PPP1R9A: variants seen among roughly 807,000 people sequenced by gnomAD.
PPP1R9A encodes the protein neurabin-1.
In PPP1R9A, 59 loss-of-function variants were observed where a neutral mutation model predicts 141.9. The observed-to-expected ratio is 0.42, with a 90% CI of 0.34 to 0.52. The LOEUF (loss-of-function observed/expected upper bound fraction) is 0.52. PPP1R9A is among the 20% of genes least tolerant of loss of function. The pLI is 0.10. For synonymous variants in PPP1R9A, 500 were observed against 569.7 expected (o/e 0.88, Z 1.74); for missense variants, 1,444 against 1,611.9 (o/e 0.90, Z 1.78).
At chr7:95,108,938 G>A (rs1014160816) in intron 2 of PPP1R9A, 1 of 152,090 alleles carries the variant, frequency 6.6e-6, no homozygotes, top group African/African-American at 2.4e-5. Context: ...TCATAAACCG[G>A]GACCTATTAG....
At chr7:95,194,141 G>A (rs1364479233) in intron 5 of PPP1R9A, among the ~76,000 whole-genome samples, 2 of 151,846 alleles carry the variant, frequency 1.3e-5, no homozygotes, top group African/African-American at 4.8e-5. Context: ...GTCAATCTAG[G>A]CTTTTCTAAA....
chr7:95,233,664 C>T (rs926456605), intron 8 of PPP1R9A, among the ~76,000 whole-genome samples: 7 of 152,140 alleles, frequency 4.6e-5, no homozygotes, highest in African/African-American at 1.7e-4. Context: ...GGGAATCCTT[C>T]CTAAATCACT....
intron 2 of PPP1R9A, among the ~76,000 whole-genome samples, chr7:95,009,140 G>A (rs1196235221): frequency 5.3e-5 from 8 of 152,016 alleles, no homozygotes; most frequent in East Asian, 3.9e-4. Flanking sequence ...ATCACACACC[G>A]GGGCCTGTCA....
chr7:94,926,097 G>A (rs1231105759), intron 2 of PPP1R9A, among the ~76,000 whole-genome samples: 2 of 152,154 alleles, frequency 1.3e-5, no homozygotes, highest in Non-Finnish European at 2.9e-5. Flanking sequence ...AAAGTGCTGG[G>A]ATTACAGGTG....
intron 2 of PPP1R9A, among the ~76,000 whole-genome samples, chr7:94,937,330 G>C (rs1257200156): frequency 2.0e-5 from 3 of 152,094 alleles, no homozygotes; most frequent in Non-Finnish European, 4.4e-5. Context: ...GAAGTTCCTA[G>C]GGGACACAGA....
rs148882622 is a variant in PPP1R9A, at chr7:95,026,485, C to T, written c.1396-84774C>T. Among the ~76,000 whole-genome samples the T allele has an allele frequency of 3.7e-3, 557 of 152,254 alleles. 3 individuals are homozygous for T. The highest frequency in any genetic ancestry group is 0.012 in the African/African-American group (495 of 41,556). On this transcript the variant is annotated intron_variant, in intron 2 of 19. Transcript: ENST00000433360. ...AGAGGGGCACCCTCCAGATGCCAGC[C>T]GGAGCTCTCCTGTGTGAGGTGTCTA...
chr7:95,245,159 T>G (rs994607684), intron 8 of PPP1R9A, among the ~76,000 whole-genome samples: 2 of 152,182 alleles, frequency 1.3e-5, no homozygotes, highest in Non-Finnish European at 2.9e-5. Context: ...TATACATTAT[T>G]TGTTTTTGTA....
Position 95,068,069 on chromosome 7 carries a change from C to CA in PPP1R9A, c.1396-43181dup, listed in dbSNP as rs371599501. On this transcript the variant is annotated intron_variant, in intron 2 of 19. Transcript: ENST00000433360. ...TGCTAAAGGAACAAAAACAAACAAC[C>CA]AAAAAAAAACTGGATATGTGGCCTA... Among the ~76,000 whole-genome samples the CA allele has an allele frequency of 2.4e-4, 36 of 150,952 alleles. No homozygotes were observed. The East Asian group carries it at 4.7e-3, about 20-fold the overall frequency.
chr7:95,262,071 G>A (rs1401161471), intron 12 of PPP1R9A, among the ~76,000 whole-genome samples: 1 of 152,120 alleles, frequency 6.6e-6, no homozygotes, highest in East Asian at 1.9e-4. Context: ...TGTCTACTTA[G>A]CATGCTTGGG....
chr7:94,953,520 A>T (rs1350899518), intron 2 of PPP1R9A, among the ~76,000 whole-genome samples: 1 of 152,066 alleles, frequency 6.6e-6, no homozygotes, highest in East Asian at 1.9e-4. Context: ...CTTCATGGGG[A>T]TAGCATTGAA....
At chr7:95,120,902 A>AGCTTTTTGCTACAACTTTTT in intron 4 of PPP1R9A, 70 bp downstream of exon 4, 1 of 1,492,434 alleles carries the variant, frequency 6.7e-7, no homozygotes, top group Non-Finnish European at 9.0e-7. Flanking sequence ...CTTCAGTTGT[A>AGCTTTTTGCTACAACTTTTT]GCTTTTTGCT....
intron 2 of PPP1R9A, among the ~76,000 whole-genome samples, chr7:95,104,702 T>C (rs1365034374): frequency 6.6e-6 from 1 of 152,230 alleles, no homozygotes; most frequent in African/African-American, 2.4e-5. Flanking sequence ...ATCAGTGAAC[T>C]AACCTTAATT....
At chr7:95,216,437 T>C (rs1793437143) in intron 7 of PPP1R9A, among the ~76,000 whole-genome samples, 1 of 152,204 alleles carries the variant, frequency 6.6e-6, no homozygotes, top group African/African-American at 2.4e-5. Context: ...TAGGATTGTC[T>C]TGGCAATGCA....
rs1585443882 is a variant in PPP1R9A at position 95,247,604 on chromosome 7, A to G, written c.2166+78A>G. 8.8e-5 allele frequency: 108 copies of G among 1,225,778 alleles called. 4 individuals are homozygous for G. The South Asian group carries it at 1.4e-3, about 16-fold the overall frequency. The allele number at this position is 1,225,778 out of a possible 1,614,324, so 75.9% of individuals were successfully genotyped here. The stretch of plus-strand genomic sequence containing the variant: ...TGAATAAATCCAATCCTAGGACTAA[A>G]GGTTTTGTCCCTGTATATTTGAAAG... On this transcript the variant is annotated intron_variant, in intron 9 of 19. Transcript: ENST00000433360.
intron 2 of PPP1R9A, among the ~76,000 whole-genome samples, chr7:94,977,075 C>T (rs898349294): frequency 2.6e-5 from 4 of 152,230 alleles, no homozygotes; most frequent in African/African-American, 9.6e-5. Flanking sequence ...TTGCCTTTCC[C>T]TACAGTGGGG....
chr7:95,218,558 G>C (rs1365904983), intron 7 of PPP1R9A, among the ~76,000 whole-genome samples: 1 of 151,868 alleles, frequency 6.6e-6, no homozygotes, highest in Non-Finnish European at 1.5e-5. Context: ...GTCTAATGTT[G>C]ACAGTGGGGT....
intron 2 of PPP1R9A, among the ~76,000 whole-genome samples, chr7:95,072,736 T>C: frequency 9.2e-6 from 1 of 109,152 alleles, no homozygotes; most frequent in East Asian, 2.2e-4. Context: ...TTATTACATA[T>C]AATATAATAT....
intron 7 of PPP1R9A, among the ~76,000 whole-genome samples, chr7:95,204,737 C>T (rs1370637064): frequency 7.4e-6 from 1 of 135,606 alleles, no homozygotes; most frequent in South Asian, 2.5e-4. Flanking sequence ...CCACACATAC[C>T]CACACACACC....
chr7:95,002,076 A>G (rs1327910108), intron 2 of PPP1R9A, among the ~76,000 whole-genome samples: 1 of 152,204 alleles, frequency 6.6e-6, no homozygotes, highest in Non-Finnish European at 1.5e-5. Context: ...AAGTTGGTCT[A>G]TTGAGAGGGA....
Sources: gnomAD v4.1 joint callset for allele counts (sites outside exome capture counted in the v4.1 genomes callset) on GRCh38, gnomAD v4.1.1 for gene constraint, MANE v1.5 for transcripts, NCBI Gene and HGNC (gene_info 2026-07-23, HGNC 2026-07-21) for gene names.